The following MAGT1 variants were observed in gnomAD, a reference collection of about 807,000 sequenced individuals.
The protein encoded by MAGT1 is dolichyl-diphosphooligosaccharide--protein glycosyltransferase subunit MAGT1.
MAGT1 carries 4 observed loss-of-function variants against 28.4 expected under a neutral mutation model. The observed-to-expected ratio is 0.14, with a 90% CI of 0.07 to 0.32. The LOEUF is 0.32. Among genes scored for constraint, MAGT1 ranks in the 10% least tolerant of loss-of-function variants. The pLI, the probability that MAGT1 is intolerant of heterozygous loss-of-function variation, is 1.00. For synonymous variants in MAGT1, 89 were observed against 89.7 expected, an observed-to-expected ratio of 0.99 and a Z score of 0.04; for missense variants, 193 against 264.5, an observed-to-expected ratio of 0.73 and a Z score of 1.88.
intron 1 of MAGT1, among the ~76,000 whole-genome samples, chrX:77,887,002 C>T (rs1408046398): frequency 8.9e-6 from 1 of 112,068 alleles, no homozygotes; most frequent in Admixed American, 9.5e-5. Flanking sequence ...AATATAATGC[C>T]TTAATACTTC....
At chrX:77,876,159 TA>T (rs2077033815) in intron 1 of MAGT1, among the ~76,000 whole-genome samples, 1 of 31,089 alleles carries the variant, frequency 3.2e-5, no homozygotes, top group Non-Finnish European at 5.9e-5. Flanking sequence ...TATATATATA[TA>T]TATATTTTTT....
At chrX:77,860,870 C>T (rs2076992936) in intron 3 of MAGT1, among the ~76,000 whole-genome samples, 1 of 111,228 alleles carries the variant, frequency 9.0e-6, no homozygotes, top group Admixed American at 9.6e-5. Flanking sequence ...CAACAAAAAA[C>T]TTGATTTAAA....
chrX:77,878,721 C>T (rs1207676893), intron 1 of MAGT1, among the ~76,000 whole-genome samples: 5 of 96,310 alleles, frequency 5.2e-5, no homozygotes, highest in African/African-American at 1.9e-4. Context: ...TCTGGGAAGG[C>T]GGTGGCTGCA....
chrX:77,895,207 G>A, intron 1 of MAGT1, 102 bp downstream of exon 1: 2 of 905,999 alleles, frequency 2.2e-6, no homozygotes, highest in Non-Finnish European at 3.2e-6. Context: ...AGCCACCAAA[G>A]GCATAGAAGC....
rs1303178094 is a variant in MAGT1, at chrX:77,827,383, G to GC, written c.*1836dup. 2 of 110,354 alleles carry GC rather than the reference G, an allele frequency of 1.8e-5. No homozygotes were observed. Among genetic ancestry groups the GC allele is most frequent in the African/African-American group, 6.6e-5 (2 of 30,470 alleles). The allele number at this position is 110,354 out of a possible 1,213,427, so 9.1% of individuals were successfully genotyped here. A position where few individuals can be genotyped will look rare whatever the true frequency, so the allele number is the denominator to read the frequency against. Reference sequence around the variant, plus strand: ...AGAAACGCTTAATTTCTATATACAGGCATCAGCTCAATATTTTATGATTTT... The same window carrying GC: ...AGAAACGCTTAATTTCTATATACAGGCCATCAGCTCAATATTTTATGATTTT... On this transcript the variant is annotated 3_prime_UTR_variant, in exon 10 of 10. Transcript: ENST00000618282.
At chrX:77,832,239 A>G (rs2076900565) in intron 8 of MAGT1, among the ~76,000 whole-genome samples, 1 of 111,516 alleles carries the variant, frequency 9.0e-6, no homozygotes, top group Non-Finnish European at 1.9e-5. Flanking sequence ...CGGACTAAAA[A>G]TGGCTAAGAA....
chrX:77,870,872 G>A lies in MAGT1; in HGVS notation c.326C>T (p.Ala109Val). The A allele has an allele frequency of 8.3e-7, 1 of 1,210,667 alleles. No homozygotes were observed. The highest frequency in any genetic ancestry group is 2.3e-4 in the Middle Eastern group (1 of 4,352). Residue 109 changes from alanine (A) to valine (V), a missense_variant, in exon 3 of 10, where the codon GCA becomes GTA. Ala to Val is a moderately conservative substitution (Grantham distance 64). Coordinates refer to ENST00000618282, the MANE Select transcript of MAGT1 (RefSeq NM_001367916.1). ...ILANSWRYSS[A>V]FTNRIFFAMV... ...GGCAAAAAATATCCTGTTGGTGAAT[G>A]CACTGGAGTATCGCCAGGAGTTTGC...
At chrX:77,893,759 T>C (rs1265870091) in intron 1 of MAGT1, among the ~76,000 whole-genome samples, 1 of 111,082 alleles carries the variant, frequency 9.0e-6, no homozygotes, top group African/African-American at 3.3e-5. Flanking sequence ...GCCAGGGATA[T>C]TGTGGCACAT....
intron 8 of MAGT1, among the ~76,000 whole-genome samples, chrX:77,831,318 G>GTAAT (rs2076898102): frequency 9.0e-6 from 1 of 110,701 alleles, no homozygotes; most frequent in Non-Finnish European, 1.9e-5. Flanking sequence ...TGCCCGGCCT[G>GTAAT]GCAGTCTATA....
chrX:77,878,790 C>CAA (rs782079163), intron 1 of MAGT1, among the ~76,000 whole-genome samples: 1 of 31,652 alleles, frequency 3.2e-5, no homozygotes. Context: ...AACTCTATCT[C>CAA]AAAAAAAAAA....
chrX:77,854,168 T>C (rs2076975680), intron 6 of MAGT1, among the ~76,000 whole-genome samples: 1 of 111,871 alleles, frequency 8.9e-6, no homozygotes, highest in African/African-American at 3.2e-5. Context: ...TGTCTTTTCA[T>C]TGTACTAATA....
chrX:77,834,011 C>T (rs1430239505), intron 8 of MAGT1, among the ~76,000 whole-genome samples: 1 of 108,415 alleles, frequency 9.2e-6, no homozygotes, highest in Non-Finnish European at 1.9e-5. Context: ...AACAAAGGTG[C>T]CAAGAACATC....
At chrX:77,859,415 G>A (rs2076989343) in intron 3 of MAGT1, among the ~76,000 whole-genome samples, 1 of 111,330 alleles carries the variant, frequency 9.0e-6, no homozygotes, top group Admixed American at 9.7e-5. Context: ...AACATAAATG[G>A]TATCATATTA....
intron 7 of MAGT1, among the ~76,000 whole-genome samples, chrX:77,842,791 C>T (rs1340005000): frequency 9.1e-6 from 1 of 110,242 alleles, no homozygotes; most frequent in Non-Finnish European, 1.9e-5. Context: ...GGCACTACTG[C>T]ACTCCAGCCT....
chrX:77,895,540 C>A, upstream of MAGT1: 2 of 1,106,808 alleles, frequency 1.8e-6, no homozygotes, highest in Non-Finnish European at 2.4e-6. Context: ...AGACCCCTCA[C>A]ATTACGTCAC....
intron 6 of MAGT1, among the ~76,000 whole-genome samples, chrX:77,854,978 G>C (rs1346315567): frequency 8.9e-6 from 1 of 111,803 alleles, no homozygotes. Context: ...TGGTTAGAAG[G>C]ATTCACCAAA....
intron 1 of MAGT1, among the ~76,000 whole-genome samples, chrX:77,894,468 G>A (rs1399143844): frequency 8.9e-6 from 1 of 112,104 alleles, no homozygotes; most frequent in African/African-American, 3.2e-5. Context: ...AGCACAGAAT[G>A]TACAGGAAAT....
chrX:77,829,837 T>G (rs2076892833), intron 9 of MAGT1, among the ~76,000 whole-genome samples: 1 of 112,062 alleles, frequency 8.9e-6, no homozygotes, highest in Non-Finnish European at 1.9e-5. Flanking sequence ...GGAAGTATAA[T>G]ATGCAGACAA....
intron 3 of MAGT1, among the ~76,000 whole-genome samples, chrX:77,863,971 T>C (rs1251193673): frequency 3.6e-5 from 4 of 110,886 alleles, no homozygotes; most frequent in African/African-American, 9.8e-5. Flanking sequence ...TAAGCCAAGA[T>C]TGTGCCACTG....
Sources: allele counts gnomAD v4.1 joint callset (sites outside exome capture counted in the v4.1 genomes callset), GRCh38; gene constraint gnomAD v4.1.1; transcripts MANE v1.5; gene names NCBI Gene and HGNC (gene_info 2026-07-23, HGNC 2026-07-21).